CCNH: variants seen among roughly 807,000 people sequenced by gnomAD.
The protein encoded by CCNH is cyclin-H.
In CCNH, 31 loss-of-function variants were observed where a neutral mutation model predicts 41.9. That is an observed-to-expected ratio of 0.74 (90% CI 0.56 to 1.00). CCNH has a LOEUF of 1.00. CCNH is among the 50% of genes least tolerant of loss of function. The pLI, the probability that CCNH is intolerant of heterozygous loss-of-function variation, is 0.00. For synonymous variants in CCNH, 138 were observed against 136.1 expected (o/e 1.01, Z -0.10); for missense variants, 362 against 388.4 (o/e 0.93, Z 0.57).
At chr5:87,380,728 A>C, upstream of CCNH, 1 of 851,300 alleles carries the variant, frequency 1.2e-6, no homozygotes, top group Non-Finnish European at 1.9e-6. Flanking sequence ...CATATTTTCT[A>C]AGTCCAGATG....
At chr5:87,326,413 T>C (rs1757232530) in intron 9 of CCNH, among the ~76,000 whole-genome samples, 1 of 152,140 alleles carries the variant, frequency 6.6e-6, no homozygotes, top group South Asian at 2.1e-4. Flanking sequence ...TTTGTATTTC[T>C]AAAAAAATGA....
chr5:87,403,150 G>A (rs1408949216), intron 5 of CCNH, among the ~76,000 whole-genome samples: 1 of 150,176 alleles, frequency 6.7e-6, no homozygotes, highest in Non-Finnish European at 1.5e-5. Flanking sequence ...TAAATGTAAA[G>A]CTCATTTCCA....
chr5:87,351,644 A>AACTT lies in CCNH; in HGVS notation c.*91-32751_*91-32748dup, dbSNP rs572912069. 2.5e-3 allele frequency among the ~76,000 whole-genome samples: 386 copies of AACTT among 151,848 alleles called. 1 individual carries two copies. Among genetic ancestry groups the AACTT allele is most frequent in the African/African-American group, 8.8e-3 (364 of 41,508 alleles). On this transcript the variant is annotated intron_variant and NMD_transcript_variant, in intron 9 of 9. Transcript: ENST00000645953. Reference sequence around the variant, plus strand: ...TAAATCTGTCTGATTTCATGGCTGGAACTTATATGAATGTCTAGAAAATTC... The same window carrying AACTT: ...TAAATCTGTCTGATTTCATGGCTGGAACTTACTTATATGAATGTCTAGAAAATTC...
intron 9 of CCNH, among the ~76,000 whole-genome samples, chr5:87,366,807 T>A (rs1760556345): frequency 1.3e-5 from 2 of 152,164 alleles, no homozygotes; most frequent in African/African-American, 4.8e-5. Context: ...CAAGGTGGGC[T>A]GATCGCTTAA....
chr5:87,379,058 T>C (rs1467548320), upstream of CCNH, among the ~76,000 whole-genome samples: 1 of 152,206 alleles, frequency 6.6e-6, no homozygotes, highest in Non-Finnish European at 1.5e-5. Context: ...ATTTTAATGG[T>C]AAAGCAACTA....
rs188632012 is a variant in CCNH, at chr5:87,369,408, A to G, written c.*90+23362T>C. Among the ~76,000 whole-genome samples, 598 of 152,280 alleles carry G rather than the reference A, an allele frequency of 3.9e-3. 3 individuals carry two copies. Among genetic ancestry groups the G allele is most frequent in the Admixed American group, 6.2e-3 (95 of 15,294 alleles). On this transcript the variant is annotated intron_variant and NMD_transcript_variant, in intron 9 of 9. Transcript: ENST00000645953. Reference sequence around the variant, plus strand: ...GTTTAGAAAAATTTGAAAATACAGAATCACCTACAATCTCCTTAGAGATAA... The same window carrying G: ...GTTTAGAAAAATTTGAAAATACAGAGTCACCTACAATCTCCTTAGAGATAA...
At chr5:87,411,918 T>C (rs1764276259) in intron 1 of CCNH, among the ~76,000 whole-genome samples, 1 of 152,182 alleles carries the variant, frequency 6.6e-6, no homozygotes, top group South Asian at 2.1e-4. Context: ...CACTGAACAC[T>C]TGCTGGAGTG....
At chr5:87,341,267 C>A (rs1758419663) in intron 9 of CCNH, 1 of 1,257,918 alleles carries the variant, frequency 7.9e-7, no homozygotes. Flanking sequence ...ATATAAAATA[C>A]TGTCTTAATG....
chr5:87,374,375 T>C (rs1038400708), downstream of CCNH: 2 of 1,519,474 alleles, frequency 1.3e-6, no homozygotes, highest in Non-Finnish European at 1.8e-6. Context: ...ATTGCATTTC[T>C]TTCTGTTTTT....
chr5:87,385,028 A>C (rs916879598), intron 9 of CCNH, among the ~76,000 whole-genome samples: 1 of 151,998 alleles, frequency 6.6e-6, no homozygotes, highest in Non-Finnish European at 1.5e-5. Context: ...AATAGTATCA[A>C]CCGTTGGAAA....
chr5:87,335,306 G>C (rs1316817745), intron 9 of CCNH, among the ~76,000 whole-genome samples: 1 of 151,586 alleles, frequency 6.6e-6, no homozygotes, highest in African/African-American at 2.4e-5. Flanking sequence ...GACAAAATTT[G>C]AGTTTTGAGT....
At chr5:87,326,783 C>T (rs1195787709) in intron 9 of CCNH, among the ~76,000 whole-genome samples, 2 of 151,994 alleles carry the variant, frequency 1.3e-5, no homozygotes, top group South Asian at 2.1e-4. Flanking sequence ...AATAGTATGG[C>T]ACTTGCAGCC....
chr5:87,350,120 C>T (rs2112423731), intron 9 of CCNH, among the ~76,000 whole-genome samples: 1 of 151,824 alleles, frequency 6.6e-6, no homozygotes, highest in East Asian at 1.9e-4. Context: ...TCAAACTAGA[C>T]ATTTGAGTGA....
At chr5:87,395,265 A>G (rs897852110) in intron 7 of CCNH, among the ~76,000 whole-genome samples, 161 bp from the exon 8 acceptor site, 2 of 152,220 alleles carry the variant, frequency 1.3e-5, no homozygotes, top group Non-Finnish European at 2.9e-5. Context: ...GGAAAATGAT[A>G]CTTTTACAAT....
At chr5:87,331,735 G>C (rs1419841302) in intron 9 of CCNH, among the ~76,000 whole-genome samples, 1 of 152,102 alleles carries the variant, frequency 6.6e-6, no homozygotes, top group Non-Finnish European at 1.5e-5. Flanking sequence ...TATATTTATA[G>C]TTTTTAAAGT....
At chr5:87,353,285 C>CT in intron 9 of CCNH, 1 of 1,421,218 alleles carries the variant, frequency 7.0e-7, no homozygotes, top group Non-Finnish European at 9.9e-7. Flanking sequence ...TTTTAAAATG[C>CT]ATTTTGGTGG....
At chr5:87,392,362 T>G (rs1163995837), downstream of CCNH, 1 of 455,942 alleles carries the variant, frequency 2.2e-6, no homozygotes, top group Non-Finnish European at 4.4e-6. Context: ...CCTATGTGGC[T>G]TCAATCACCG....
chr5:87,313,091 G>A, the CCNH span, among the ~76,000 whole-genome samples: 1 of 152,312 alleles, frequency 6.6e-6, no homozygotes, highest in South Asian at 2.1e-4. Flanking sequence ...TCAACAAGTT[G>A]TATGGACTGC....
chr5:87,328,934 A>G (rs970989816), intron 9 of CCNH, among the ~76,000 whole-genome samples: 2 of 151,762 alleles, frequency 1.3e-5, no homozygotes, highest in Admixed American at 1.3e-4. Context: ...GATCAAATCA[A>G]CTAAGTAAAT....
Sources: gnomAD v4.1 joint callset for allele counts (sites outside exome capture counted in the v4.1 genomes callset) on GRCh38, gnomAD v4.1.1 for gene constraint, MANE v1.5 for transcripts, NCBI Gene and HGNC (gene_info 2026-07-23, HGNC 2026-07-21) for gene names.